Variants in PTPRT observed in about 807,000 individuals in gnomAD.
The protein encoded by PTPRT is protein tyrosine phosphatase receptor type T.
Under a neutral mutation model 176.8 loss-of-function variants are expected in PTPRT, and 56 were observed. That is an observed-to-expected ratio of 0.32 (90% CI 0.26 to 0.40). The LOEUF is 0.40. PTPRT is among the 10% of genes least tolerant of loss of function. PTPRT has a pLI of 1.00. For missense variants in PTPRT, 1,540 were observed against 1,908.2 expected (o/e 0.81, Z 3.60); for synonymous variants, 783 against 739.0 (o/e 1.06, Z -0.96).
chr20:42,477,580 C>T (rs992933813), intron 7 of PTPRT, among the ~76,000 whole-genome samples: 1 of 152,110 alleles, frequency 6.6e-6, no homozygotes, highest in East Asian at 1.9e-4. Flanking sequence ...TTGGTGCAAA[C>T]AAGTTGGAAA....
intron 5 of PTPRT, among the ~76,000 whole-genome samples, chr20:42,761,976 AACTT>A (rs2076922119): frequency 6.6e-6 from 1 of 152,206 alleles, no homozygotes; most frequent in African/African-American, 2.4e-5. Flanking sequence ...GTGTTCCAGA[AACTT>A]ACTTTGTTTG....
At chr20:42,994,751 A>T (rs1182946338) in intron 1 of PTPRT, among the ~76,000 whole-genome samples, 1 of 152,248 alleles carries the variant, frequency 6.6e-6, no homozygotes, top group Non-Finnish European at 1.5e-5. Context: ...TCCTTGAGGC[A>T]GGTTCATCTG....
intron 11 of PTPRT, among the ~76,000 whole-genome samples, chr20:42,349,477 T>C (rs1042548185): frequency 9.2e-5 from 14 of 152,200 alleles, no homozygotes; most frequent in African/African-American, 1.7e-4. Context: ...CACTGTACTG[T>C]AATTATGTTT....
intron 2 of PTPRT, among the ~76,000 whole-genome samples, chr20:42,881,170 C>G (rs765705215): frequency 6.6e-6 from 1 of 152,216 alleles, no homozygotes; most frequent in African/African-American, 2.4e-5. Flanking sequence ...TCCAGGCAGA[C>G]AGTTCACACT....
At chr20:42,204,718 T>C (rs1261069500) in intron 15 of PTPRT, among the ~76,000 whole-genome samples, 3 of 152,120 alleles carry the variant, frequency 2.0e-5, no homozygotes, top group Non-Finnish European at 4.4e-5. Flanking sequence ...GGATGGACCA[T>C]GAGTCCTGTG....
rs148052299 is a variant in PTPRT, at chr20:42,919,789, G to A, written c.89-33857C>T. ...GATTCCTGTCCATTCATTTACTTAC[G>A]AATGTTCCTTTTGTTCATTCTTTTA... On this transcript the variant is annotated intron_variant, in intron 1 of 30. Transcript: ENST00000373187. Among the ~76,000 whole-genome samples, 70 of 152,274 alleles carry A rather than the reference G, an allele frequency of 4.6e-4. 1 individual carries two copies. In the East Asian group the frequency reaches 0.01, roughly 22 times the overall value.
chr20:42,410,037 G>C (rs752128655), intron 9 of PTPRT, among the ~76,000 whole-genome samples: 1 of 151,982 alleles, frequency 6.6e-6, no homozygotes, highest in Non-Finnish European at 1.5e-5. Context: ...GTTTGTTCCA[G>C]AAATTTTGAA....
chr20:43,148,010 T>C (rs1351597796), intron 1 of PTPRT, among the ~76,000 whole-genome samples: 1 of 152,182 alleles, frequency 6.6e-6, no homozygotes, highest in East Asian at 1.9e-4. Flanking sequence ...CCAAGACCTC[T>C]TCAAGCAAAG....
chr20:42,853,920 G>A (rs902428836), intron 2 of PTPRT, among the ~76,000 whole-genome samples: 4 of 152,150 alleles, frequency 2.6e-5, no homozygotes, highest in Non-Finnish European at 5.9e-5. Flanking sequence ...GACTAACCCC[G>A]TGGCTGAGCA....
chr20:43,168,039 G>GT, intron 1 of PTPRT, among the ~76,000 whole-genome samples: 1 of 152,350 alleles, frequency 6.6e-6, no homozygotes, highest in South Asian at 2.1e-4. Flanking sequence ...CGCAGCAACA[G>GT]TTAACTAGTA....
At chr20:42,600,098 T>C (rs6102926) in intron 7 of PTPRT, among the ~76,000 whole-genome samples, 26,607 of 152,162 alleles carry the variant, frequency 0.17, 2,791 homozygotes, top group African/African-American at 0.29. Flanking sequence ...TTTTATTTTT[T>C]AAAATTTTAC....
At chr20:42,155,326 G>A (rs764730145) in intron 17 of PTPRT, among the ~76,000 whole-genome samples, 2 of 152,202 alleles carry the variant, frequency 1.3e-5, no homozygotes, top group Admixed American at 6.5e-5. Context: ...GCTCCTAGGA[G>A]CCCAAGGCCC....
chr20:42,478,821 C>G (rs959175548), intron 7 of PTPRT, among the ~76,000 whole-genome samples: 1 of 152,090 alleles, frequency 6.6e-6, no homozygotes, highest in African/African-American at 2.4e-5. Context: ...TCATGTTCAC[C>G]TCCACTGCCA....
chr20:42,955,342 T>C lies in PTPRT; in HGVS notation c.89-69410A>G, dbSNP rs534015975. Among the ~76,000 whole-genome samples, 12 of 152,272 alleles carry C rather than the reference T, an allele frequency of 7.9e-5. No homozygotes were observed. In the East Asian group the frequency reaches 2.3e-3, roughly 29 times the overall value. ...TTCACAGACCCCACAAGGTCCTGCATTAAAAGCCTACAATCCCAGAATTTC... is the reference window on the plus strand; with the variant it reads ...TTCACAGACCCCACAAGGTCCTGCACTAAAAGCCTACAATCCCAGAATTTC... On this transcript the variant is annotated intron_variant, in intron 1 of 30. Coordinates refer to ENST00000373187, the MANE Select transcript of PTPRT (RefSeq NM_007050.6).
intron 1 of PTPRT, among the ~76,000 whole-genome samples, chr20:42,937,586 T>G (rs1193416025): frequency 6.6e-6 from 1 of 152,200 alleles, no homozygotes; most frequent in Non-Finnish European, 1.5e-5. Context: ...TGGCTCCAGT[T>G]CACCTTGTGG....
intron 11 of PTPRT, among the ~76,000 whole-genome samples, chr20:42,328,603 A>C (rs59448108): frequency 0.013 from 1,992 of 152,294 alleles, 34 homozygotes; most frequent in African/African-American, 0.046. Flanking sequence ...AAAATCACTC[A>C]TTTTAAAAGA....
At chr20:42,518,790 T>G (rs1427509038) in intron 7 of PTPRT, among the ~76,000 whole-genome samples, 1 of 152,148 alleles carries the variant, frequency 6.6e-6, no homozygotes, top group Non-Finnish European at 1.5e-5. Flanking sequence ...TCTGGTTTAT[T>G]AGCTTGAAAA....
intron 16 of PTPRT, among the ~76,000 whole-genome samples, chr20:42,192,272 G>C (rs983340377): frequency 6.6e-6 from 1 of 152,086 alleles, no homozygotes; most frequent in Non-Finnish European, 1.5e-5. Flanking sequence ...TTCCTGAAAG[G>C]GTTAAGGAAT....
intron 14 of PTPRT, 82 bp from the exon 15 acceptor site, chr20:42,236,340 T>G (rs2056242325): frequency 8.3e-7 from 1 of 1,203,898 alleles, no homozygotes; most frequent in East Asian, 2.4e-5. Flanking sequence ...AATTAGATTT[T>G]TAATGAAATC....
Sources: allele counts gnomAD v4.1 joint callset (sites outside exome capture counted in the v4.1 genomes callset), GRCh38; gene constraint gnomAD v4.1.1; transcripts MANE v1.5; gene names NCBI Gene and HGNC (gene_info 2026-07-23, HGNC 2026-07-21).